EFCAB11: variants seen among roughly 807,000 people sequenced by gnomAD.
EFCAB11 encodes the protein EF-hand calcium binding domain 11, also known as EF-hand calcium-binding domain-containing protein 11.
A neutral mutation model predicts 23.0 loss-of-function variants in EFCAB11; 14 were observed. The observed-to-expected ratio is 0.61, with a 90% CI of 0.40 to 0.95. The LOEUF is 0.95. Ranked by LOEUF, EFCAB11 falls within the 40% of genes least tolerant of loss-of-function variation. EFCAB11 has a pLI of 0.00. For missense variants in EFCAB11, 198 were observed against 195.8 expected (o/e 1.01, Z -0.07); for synonymous variants, 65 against 66.6 (o/e 0.98, Z 0.11).
intron 5 of EFCAB11, 171 bp downstream of exon 5, chr14:89,931,370 G>T: frequency 1.6e-6 from 1 of 612,972 alleles, no homozygotes; most frequent in Non-Finnish European, 2.8e-6. Context: ...GGGCATGGAA[G>T]GACCCATAGC....
intron 5 of EFCAB11, among the ~76,000 whole-genome samples, chr14:89,886,534 AAAAAAAAAAAG>A (rs1566797322): frequency 2.8e-5 from 4 of 145,158 alleles, no homozygotes; most frequent in Non-Finnish European, 6.0e-5. Context: ...AAAAAAAAAA[AAAAAAAAAAAG>A]GAAAGTGATC....
intron 5 of EFCAB11, among the ~76,000 whole-genome samples, chr14:89,842,946 G>A (rs984859190): frequency 5.9e-5 from 9 of 152,034 alleles, no homozygotes; most frequent in Non-Finnish European, 7.4e-5. Context: ...ACACTAATTC[G>A]TCCTGGAAGT....
intron 5 of EFCAB11, among the ~76,000 whole-genome samples, chr14:89,900,798 C>A (rs1478058913): frequency 6.6e-6 from 1 of 152,122 alleles, no homozygotes; most frequent in Non-Finnish European, 1.5e-5. Context: ...CTTACCTTTG[C>A]CAACATGAAA....
chr14:89,926,733 C>A (rs555147960), intron 5 of EFCAB11, among the ~76,000 whole-genome samples: 1 of 152,304 alleles, frequency 6.6e-6, no homozygotes, highest in Admixed American at 6.5e-5. Flanking sequence ...TGTTAGCATT[C>A]AATCCATTAC....
intron 5 of EFCAB11, among the ~76,000 whole-genome samples, chr14:89,886,266 C>T (rs1888769355): frequency 6.6e-6 from 1 of 152,024 alleles, no homozygotes; most frequent in South Asian, 2.1e-4. Context: ...GCCTGTAATC[C>T]CAGCACTTTG....
At chr14:89,901,953 T>TA (rs966402734) in intron 5 of EFCAB11, among the ~76,000 whole-genome samples, 40 of 146,946 alleles carry the variant, frequency 2.7e-4, no homozygotes, top group South Asian at 8.6e-4. Context: ...TTACAAAATC[T>TA]AAAAAAAAAA....
At position 89,923,382 on chromosome 14, in the gene EFCAB11, A is replaced by T. The variant is rs181014438; in HGVS notation, c.410+8159T>A. The T allele has an allele frequency of 2.0e-5, 3 of 152,472 alleles. No individual in the cohort carries two copies. In the East Asian group the frequency reaches 5.8e-4, roughly 29 times the overall value. The allele number at this position is 152,472 out of a possible 1,614,324, so 9.4% of individuals were successfully genotyped here. On this transcript the variant is annotated intron_variant, in intron 5 of 5. Transcript: ENST00000316738. ...CAGCTTGAAAAGCTTACACACATTC[A>T]TACTCCCCATCTTATAAGCATGTGC... is the stretch of plus-strand genomic sequence containing the variant.
chr14:89,848,259 C>G (rs1404723052), intron 5 of EFCAB11, among the ~76,000 whole-genome samples: 1 of 152,146 alleles, frequency 6.6e-6, no homozygotes, highest in Non-Finnish European at 1.5e-5. Flanking sequence ...AATCTTGGTC[C>G]TCTGACTCCA....
intron 5 of EFCAB11, among the ~76,000 whole-genome samples, chr14:89,826,653 TG>T (rs1387756692): frequency 6.6e-6 from 1 of 152,010 alleles, no homozygotes; most frequent in Non-Finnish European, 1.5e-5. Context: ...TGAAATAATT[TG>T]AGATTTGCCA....
intron 5 of EFCAB11, among the ~76,000 whole-genome samples, chr14:89,927,897 C>A (rs1401640409): frequency 1.3e-5 from 2 of 151,930 alleles, no homozygotes; most frequent in African/African-American, 4.8e-5. Context: ...AATTCTTGTA[C>A]TTTTTAGTAT....
At chr14:89,852,259 TA>T (rs1887621234) in intron 5 of EFCAB11, among the ~76,000 whole-genome samples, 1 of 152,242 alleles carries the variant, frequency 6.6e-6, no homozygotes, top group Non-Finnish European at 1.5e-5. Flanking sequence ...GACCAGAAGT[TA>T]ATCAGTTAAT....
At chr14:89,884,069 G>A (rs1888679193) in intron 5 of EFCAB11, among the ~76,000 whole-genome samples, 2 of 152,266 alleles carry the variant, frequency 1.3e-5, no homozygotes, top group African/African-American at 2.4e-5. Context: ...TGAGGCTATA[G>A]TGAGCCATGC....
chr14:89,930,690 G>A (rs1466579709), intron 5 of EFCAB11, among the ~76,000 whole-genome samples: 1 of 152,154 alleles, frequency 6.6e-6, no homozygotes, highest in East Asian at 1.9e-4. Flanking sequence ...ACAAGAAAAG[G>A]GGCAATCTGG....
At chr14:89,949,182 C>A (rs1891077031) in intron 3 of EFCAB11, among the ~76,000 whole-genome samples, 1 of 151,948 alleles carries the variant, frequency 6.6e-6, no homozygotes, top group Admixed American at 6.6e-5. Context: ...ATAATTATCC[C>A]ATTTCCCATG....
chr14:89,895,088 G>A (rs1021949116), intron 5 of EFCAB11, among the ~76,000 whole-genome samples: 2 of 152,078 alleles, frequency 1.3e-5, no homozygotes, highest in African/African-American at 4.8e-5. Flanking sequence ...CATAATAATA[G>A]GATCTACCTC....
At chr14:89,872,154 T>C (rs547566951) in intron 5 of EFCAB11, among the ~76,000 whole-genome samples, 46 of 152,384 alleles carry the variant, frequency 3.0e-4, no homozygotes. Flanking sequence ...TTTTCCTTTG[T>C]GTTCTTATGA....
chr14:89,803,238 A>C (rs1162378809), intron 5 of EFCAB11, among the ~76,000 whole-genome samples: 1 of 152,224 alleles, frequency 6.6e-6, no homozygotes, highest in Non-Finnish European at 1.5e-5. Context: ...AATTGCTTTA[A>C]AGACTTTTTC....
At position 89,814,843 on chromosome 14, in the gene EFCAB11, T is replaced by A. The variant is rs143279464; in HGVS notation, c.411-17519A>T. ...ATGGCACAGTCCTATGCCCAGCTAA[T>A]AACTCTGGGCTTTCGGAGATTTTGA... On this transcript the variant is annotated intron_variant, in intron 5 of 5. Transcript: ENST00000316738. Among the ~76,000 whole-genome samples the A allele has an allele frequency of 1.3e-3, 200 of 152,288 alleles. 1 individual carries two copies. The highest frequency in any genetic ancestry group is 4.4e-3 in the African/African-American group (184 of 41,562).
At chr14:89,800,442 T>A (rs571614272) in intron 5 of EFCAB11, among the ~76,000 whole-genome samples, 1 of 152,022 alleles carries the variant, frequency 6.6e-6, no homozygotes, top group Non-Finnish European at 1.5e-5. Flanking sequence ...AAGCAGGAAA[T>A]TGTGAACCAA....
Sources: gnomAD v4.1 joint callset for allele counts (sites outside exome capture counted in the v4.1 genomes callset) on GRCh38, gnomAD v4.1.1 for gene constraint, MANE v1.5 for transcripts, NCBI Gene and HGNC (gene_info 2026-07-23, HGNC 2026-07-21) for gene names.